CACNG3: variants seen among roughly 807,000 people sequenced by gnomAD.
CACNG3 encodes calcium voltage-gated channel auxiliary subunit gamma 3, also known as voltage-dependent calcium channel gamma-3 subunit.
Under a neutral mutation model 28.5 loss-of-function variants are expected in CACNG3, and 3 were observed. The observed-to-expected ratio is 0.11, with a 90% CI of 0.05 to 0.27. The LOEUF (loss-of-function observed/expected upper bound fraction) is 0.27, where lower values mean the gene tolerates loss of function less well. Among genes scored for constraint, CACNG3 ranks in the 10% least tolerant of loss-of-function variants. CACNG3 has a pLI of 1.00. For missense variants in CACNG3, 236 were observed against 414.4 expected (o/e 0.57, Z 3.74); for synonymous variants, 174 against 162.2 (o/e 1.07, Z -0.55).
chr16:24,346,151 G>A (rs1420750921), intron 1 of CACNG3, among the ~76,000 whole-genome samples: 2 of 152,164 alleles, frequency 1.3e-5, no homozygotes, highest in Non-Finnish European at 2.9e-5. Flanking sequence ...TATGTTTCAT[G>A]GTGTTTTTGC....
chr16:24,281,686 A>G (rs902987138), intron 1 of CACNG3, among the ~76,000 whole-genome samples: 1 of 152,170 alleles, frequency 6.6e-6, no homozygotes, highest in Admixed American at 6.5e-5. Flanking sequence ...TCAATCTTGA[A>G]GTAGGAGGGG....
intron 1 of CACNG3, among the ~76,000 whole-genome samples, chr16:24,337,456 C>A (rs956003063): frequency 8.6e-5 from 13 of 152,004 alleles, no homozygotes; most frequent in African/African-American, 2.7e-4. Context: ...ACTCTGAGCC[C>A]CTTTTCAGCT....
At chr16:24,299,028 C>T (rs1392662161) in intron 1 of CACNG3, among the ~76,000 whole-genome samples, 3 of 152,122 alleles carry the variant, frequency 2.0e-5, no homozygotes, top group East Asian at 1.9e-4. Flanking sequence ...TGCCAGGTCT[C>T]GCCCCTGTAG....
In CACNG3 at chr16:24,361,524, A is replaced by C. The variant is rs975194427; in HGVS notation, c.609A>C (p.Lys203Asn). The change falls in exon 4 of 4, where the codon AAA becomes AAC. Residue 203 changes from lysine to asparagine, a missense_variant. Lys to Asn is a moderately conservative substitution (Grantham distance 94). This residue lies in a region of CACNG3 where 116 missense variants were observed against 151.0 expected (regional missense o/e 0.77). Coordinates refer to ENST00000005284, the MANE Select transcript of CACNG3 (RefSeq NM_006539.4). This position sits in a 1 kb window ranked among gnomAD's most constrained non-coding sequence, Gnocchi z 6.8. ...GVVAVHIYIE[K>N]HQQLRAKSHS... ...TTGCCGTGCACATCTATATTGAAAA[A>C]CATCAGCAGTTACGAGCCAAATCCC... 3 of 1,614,038 alleles carry C rather than the reference A, an allele frequency of 1.9e-6. No homozygotes were observed. Among genetic ancestry groups the C allele is most frequent in the South Asian group, 1.1e-5 (1 of 91,084 alleles).
chr16:24,276,221 T>C (rs1316232219), intron 1 of CACNG3, among the ~76,000 whole-genome samples: 1 of 152,346 alleles, frequency 6.6e-6, no homozygotes. Flanking sequence ...CTTCTCACTA[T>C]TTTTTGTTCT....
In CACNG3 at chr16:24,350,894, G is replaced by A. The variant is rs1261403568; in HGVS notation, c.296-3939G>A. Among the ~76,000 whole-genome samples, 4 of 152,200 alleles carry A rather than the reference G, an allele frequency of 2.6e-5. No individual in the cohort carries two copies. The East Asian group carries it at 5.8e-4, about 22-fold the overall frequency. ...CAAGAATCCAGCTGGAAACCCATAG[G>A]TCATATGTGTACATTTTTACAAATT... On this transcript the variant is annotated intron_variant, in intron 2 of 3. Transcript: ENST00000005284.
At chr16:24,270,897 G>A (rs920813566) in intron 1 of CACNG3, among the ~76,000 whole-genome samples, 1 of 152,194 alleles carries the variant, frequency 6.6e-6, no homozygotes, top group Non-Finnish European at 1.5e-5. Flanking sequence ...GCTCACTGGG[G>A]GATGGGCATT....
chr16:24,321,139 G>A (rs972630451), intron 1 of CACNG3, among the ~76,000 whole-genome samples: 7 of 152,150 alleles, frequency 4.6e-5, no homozygotes, highest in African/African-American at 1.7e-4. Flanking sequence ...CCACACTGTA[G>A]ATGCTAACCA....
At chr16:24,308,281 C>A (rs2141363234) in intron 1 of CACNG3, among the ~76,000 whole-genome samples, 1 of 152,294 alleles carries the variant, frequency 6.6e-6, no homozygotes, top group South Asian at 2.1e-4. Context: ...GTCTATGCCC[C>A]TGGCAGAAGC....
At chr16:24,265,946 A>G (rs1898603992) in intron 1 of CACNG3, among the ~76,000 whole-genome samples, 1 of 152,210 alleles carries the variant, frequency 6.6e-6, no homozygotes, top group Non-Finnish European at 1.5e-5. Context: ...ATCTATAATA[A>G]CACTCTATTT....
At chr16:24,353,194 T>A (rs1899980470) in intron 2 of CACNG3, among the ~76,000 whole-genome samples, 1 of 151,882 alleles carries the variant, frequency 6.6e-6, no homozygotes, top group African/African-American at 2.4e-5. Context: ...AGGTTGGTCT[T>A]GAACTCCTGA....
intron 2 of CACNG3, among the ~76,000 whole-genome samples, 200 bp from the exon 3 acceptor site, chr16:24,354,633 T>A (rs1900003793): frequency 1.3e-5 from 2 of 152,218 alleles, no homozygotes; most frequent in African/African-American, 4.8e-5. Context: ...ACTCTCAGAA[T>A]GGTGACTGCA....
intron 1 of CACNG3, among the ~76,000 whole-genome samples, chr16:24,344,164 G>T (rs1022795036): frequency 6.6e-6 from 1 of 152,176 alleles, no homozygotes; most frequent in Non-Finnish European, 1.5e-5. Flanking sequence ...AGGCGCAGTG[G>T]CTCACATCTG....
chr16:24,297,767 TC>T (rs143204083), intron 1 of CACNG3, among the ~76,000 whole-genome samples: 1 of 152,314 alleles, frequency 6.6e-6, no homozygotes, highest in East Asian at 1.9e-4. Context: ...TCTGCGGTGT[TC>T]CAGAATCTCT....
chr16:24,354,041 A>C (rs780539949), intron 2 of CACNG3, among the ~76,000 whole-genome samples: 106 of 152,128 alleles, frequency 7.0e-4, no homozygotes, highest in Non-Finnish European at 1.2e-3. Flanking sequence ...AAAAATACAA[A>C]AATCAGCCAG....
chr16:24,316,377 C>T lies in CACNG3; in HGVS notation c.212-30357C>T, dbSNP rs3785373. On this transcript the variant is annotated intron_variant, in intron 1 of 3. Transcript: ENST00000005284. ...ACCCTCACTGAGGACCAGGCTTGGCCTGTCCTTCAAGCCCCACCCCAAATG... is the reference window on the plus strand; with the variant it reads ...ACCCTCACTGAGGACCAGGCTTGGCTTGTCCTTCAAGCCCCACCCCAAATG... 1.8e-3 allele frequency among the ~76,000 whole-genome samples: 272 copies of T among 151,904 alleles called. 11 individuals are homozygous for T. The East Asian group carries it at 0.046, about 25-fold the overall frequency.
chr16:24,265,290 G>GGAAGGAAGGAAGGAAAAAGA (rs1237852873), intron 1 of CACNG3, among the ~76,000 whole-genome samples: 1 of 139,104 alleles, frequency 7.2e-6, no homozygotes, highest in African/African-American at 2.7e-5. Context: ...AAGGAAGGGA[G>GGAAGGAAGGAAGGAAAAAGA]GAAGGAAGGA....
At chr16:24,337,743 T>C in intron 1 of CACNG3, among the ~76,000 whole-genome samples, 1 of 151,960 alleles carries the variant, frequency 6.6e-6, no homozygotes, top group East Asian at 1.9e-4. Flanking sequence ...TTCCTGCATG[T>C]TTGGAAGCCA....
chr16:24,327,014 G>A (rs899878610), intron 1 of CACNG3, among the ~76,000 whole-genome samples: 5 of 151,438 alleles, frequency 3.3e-5, no homozygotes, highest in Admixed American at 6.6e-5. Flanking sequence ...ATGGCAGCAG[G>A]TGATGGGGAT....
Sources: allele counts gnomAD v4.1 joint callset (sites outside exome capture counted in the v4.1 genomes callset), GRCh38; gene constraint gnomAD v4.1.1; regional missense constraint gnomAD v4.1.1; non-coding constraint Gnocchi (gnomAD v3.1); transcripts MANE v1.5; gene names NCBI Gene and HGNC (gene_info 2026-07-23, HGNC 2026-07-21).